Variants in ARSH observed in about 807,000 individuals in gnomAD.
The protein encoded by ARSH is arylsulfatase family member H, also known as arylsulfatase H.
In ARSH, 32 loss-of-function variants were observed where a neutral mutation model predicts 28.7. The observed-to-expected ratio is 1.11, with a 90% CI of 0.84 to 1.50. The LOEUF (loss-of-function observed/expected upper bound fraction) is 1.50. ARSH is among the 40% of genes most tolerant of loss of function. The probability of loss-of-function intolerance (pLI) is 0.00; values close to 1 mark genes in which losing one functional copy is unlikely to be tolerated. For synonymous variants in ARSH, 176 were observed against 177.3 expected (o/e 0.99, Z 0.06); for missense variants, 440 against 452.4 (o/e 0.97, Z 0.25).
chrX:3,014,262 G>C (rs1156374850), intron 3 of ARSH, among the ~76,000 whole-genome samples: 1 of 111,440 alleles, frequency 9.0e-6, no homozygotes, highest in Non-Finnish European at 1.9e-5. Context: ...GCAAGACTCT[G>C]TCTCTTAAAA....
Position 3,006,678 on chromosome X carries a change from G to A in ARSH, c.66G>A (p.Leu22=), listed in dbSNP as rs2089828249. Residue 22 remains leucine, a synonymous_variant, in exon 1 of 9, where the codon TTG becomes TTA. Coordinates refer to ENST00000381130, the MANE Select transcript of ARSH (RefSeq NM_001011719.2). ...CAGATGACCTTGGAGTGGGGGATTT[G>A]TGCTGCTACGGTAATAACTCAGTGA... ...LMADDLGVGD[L]CCYGNNSVST... is the part of the protein sequence containing the mutation. 3.3e-6 allele frequency: 4 copies of A among 1,210,567 alleles called. No homozygotes were observed. Among genetic ancestry groups the A allele is most frequent in the Non-Finnish European group, 4.5e-6 (4 of 894,700 alleles).
intron 4 of ARSH, among the ~76,000 whole-genome samples, chrX:3,016,378 A>G (rs1384856664): frequency 9.0e-6 from 1 of 110,770 alleles, no homozygotes; most frequent in African/African-American, 3.3e-5. Context: ...TGTTATGTAA[A>G]TTGATTAAAC....
chrX:3,015,419 T>C, intron 4 of ARSH, 26 bp downstream of exon 4: 1 of 1,182,502 alleles, frequency 8.5e-7, no homozygotes, highest in Non-Finnish European at 1.1e-6. Flanking sequence ...TTGCCTGATT[T>C]CCTGCATGGA....
intron 4 of ARSH, among the ~76,000 whole-genome samples, chrX:3,017,879 T>C (rs1204727320): frequency 1.8e-5 from 2 of 112,431 alleles, no homozygotes; most frequent in Non-Finnish European, 1.9e-5. Context: ...TTTGAAACAA[T>C]AGATGAGGAG....
At chrX:3,027,501 C>T in intron 7 of ARSH, 26 bp downstream of exon 7, 1 of 1,187,130 alleles carries the variant, frequency 8.4e-7, no homozygotes, top group Non-Finnish European at 1.1e-6. Context: ...TTGCTCCTAA[C>T]CTAGGGTGAT....
intron 3 of ARSH, among the ~76,000 whole-genome samples, chrX:3,014,024 CT>C (rs2089858892): frequency 1.8e-5 from 2 of 111,556 alleles, no homozygotes; most frequent in Non-Finnish European, 3.8e-5. Context: ...AATCCCAGCA[CT>C]TTGGGAGGCT....
intron 8 of ARSH, 83 bp from the exon 9 acceptor site, chrX:3,032,935 C>A: frequency 1.9e-6 from 2 of 1,058,473 alleles, no homozygotes; most frequent in Non-Finnish European, 1.3e-6. Flanking sequence ...CTAGAAAAAG[C>A]TTTTGAGAAA....
intron 5 of ARSH, among the ~76,000 whole-genome samples, chrX:3,023,162 A>G (rs746313911): frequency 1.1e-4 from 11 of 104,500 alleles, no homozygotes; most frequent in African/African-American, 3.8e-4. Flanking sequence ...TATATTTAAT[A>G]TAATTTATAT....
intron 5 of ARSH, among the ~76,000 whole-genome samples, chrX:3,019,251 C>T (rs895492067): frequency 6.7e-5 from 5 of 74,326 alleles, no homozygotes; most frequent in African/African-American, 2.2e-4. Context: ...AGTGACACAG[C>T]GAGATTCTGT....
intron 8 of ARSH, 61 bp downstream of exon 8, chrX:3,029,429 G>C (rs79420011): frequency 1.4e-5 from 16 of 1,160,096 alleles, no homozygotes; most frequent in African/African-American, 8.8e-5. Context: ...GGTCTCCTTC[G>C]TCTCCTGGCG....
At chrX:3,011,135 C>G (rs2089845305) in intron 2 of ARSH, among the ~76,000 whole-genome samples, 1 of 110,594 alleles carries the variant, frequency 9.0e-6, no homozygotes, top group Non-Finnish European at 1.9e-5. Context: ...TAAGCAGTCT[C>G]TATATAACAC....
At chrX:3,029,077 CAAAA>C (rs377018684) in intron 7 of ARSH, among the ~76,000 whole-genome samples, 166 bp from the exon 8 acceptor site, 1 of 81,026 alleles carries the variant, frequency 1.2e-5, no homozygotes. Flanking sequence ...GACTCCATTT[CAAAA>C]AAAAAAAAAA....
Position 3,027,316 on chromosome X carries a change from G to A in ARSH, c.1040G>A (p.Gly347Asp). The change falls in exon 7 of 9, where the codon GGC (glycine) becomes GAC (aspartate). Residue 347 changes from glycine (G) to aspartate (D), a missense_variant. By Grantham distance (94) the Gly-to-Asp change is moderately conservative. Transcript: ENST00000381130. ...GTGTCGTAATCTTTGGTTTTAGGTG[G>A]CAAAGGAATGGGAGGATGGGAAGGA... ...LGGWNGIYKGGKGMGGWEGGI... is the reference protein window; with the variant it reads ...LGGWNGIYKGDKGMGGWEGGI... 8.3e-7 allele frequency: 1 copy of A among 1,210,299 alleles called. No individual in the cohort carries two copies. Among genetic ancestry groups the A allele is most frequent in the South Asian group, 1.8e-5 (1 of 56,745 alleles).
intron 1 of ARSH, among the ~76,000 whole-genome samples, chrX:3,009,307 T>A (rs1054044404): frequency 7.3e-5 from 8 of 109,993 alleles, no homozygotes; most frequent in African/African-American, 2.0e-4. Flanking sequence ...TGACACCTCA[T>A]CTCTACTAAA....
chrX:3,029,233 C>G lies in ARSH; in HGVS notation c.1200-14C>G, dbSNP rs140862695. The G allele has an allele frequency of 4.4e-3, 5,258 of 1,205,249 alleles. 137 individuals carry two copies. The African/African-American group carries it at 0.08, about 18-fold the overall frequency. ...CTCTCTCATCACCTTCTACACACCCCCTTCTCTCCCAAGAGTGATTGACGG... is the reference window on the plus strand; with the variant it reads ...CTCTCTCATCACCTTCTACACACCCGCTTCTCTCCCAAGAGTGATTGACGG... On this transcript the variant is annotated splice_polypyrimidine_tract_variant and intron_variant, in intron 7 of 8. Transcript: ENST00000381130.
intron 7 of ARSH, among the ~76,000 whole-genome samples, chrX:3,027,998 G>T (rs1441704518): frequency 9.1e-6 from 1 of 110,206 alleles, no homozygotes; most frequent in African/African-American, 3.3e-5. Flanking sequence ...AGCTACCTGG[G>T]AGGCTGAGGT....
In ARSH at chrX:3,027,436, C is replaced by T. The variant is rs61751925; in HGVS notation, c.1160C>T (p.Thr387Met). Residue 387 changes from threonine to methionine, a missense_variant, in exon 7 of 9, where the codon ACG (threonine) becomes ATG (methionine). Physicochemically the swap from Thr to Met is moderately conservative, Grantham distance 81 (BLOSUM62 -1). Transcript: ENST00000381130. ...ACCAGCTTAATGGACATCTATCCGA[C>T]GCTGTCTTATATAGGCGGAGGGATC... The part of the protein sequence containing the change: ...EPTSLMDIYP[T>M]LSYIGGGILS... The T allele has an allele frequency of 0.091, 109,616 of 1,209,387 alleles. 3,768 individuals carry two copies. Among genetic ancestry groups the T allele is most frequent in the Non-Finnish European group, 0.1 (93,512 of 894,910 alleles).
At chrX:3,012,837 G>A (rs1262298548) in intron 2 of ARSH, among the ~76,000 whole-genome samples, 1 of 107,782 alleles carries the variant, frequency 9.3e-6, no homozygotes, top group Non-Finnish European at 1.9e-5. Flanking sequence ...TAAGTGTCCC[G>A]TATTTATTCT....
At chrX:3,018,715 A>G (rs2089872960) in intron 5 of ARSH, 45 bp downstream of exon 5, 1 of 1,179,956 alleles carries the variant, frequency 8.5e-7, no homozygotes, top group East Asian at 3.0e-5. Flanking sequence ...AGTACGGGCT[A>G]CAGAAAAACA....
Sources: allele counts gnomAD v4.1 joint callset (sites outside exome capture counted in the v4.1 genomes callset), GRCh38; gene constraint gnomAD v4.1.1; transcripts MANE v1.5; gene names NCBI Gene and HGNC (gene_info 2026-07-23, HGNC 2026-07-21).